F8: variants seen among roughly 807,000 people sequenced by gnomAD.
F8 encodes the protein antihemophilic factor.
In F8, 12 loss-of-function variants were observed where a neutral mutation model predicts 140.6. The ratio of observed to expected loss-of-function variants is 0.09; its 90% CI spans 0.05 to 0.14. F8 has a LOEUF of 0.14. Ranked by LOEUF, F8 falls within the 10% of genes least tolerant of loss-of-function variation. F8 has a pLI of 1.00. For missense variants in F8, 1,354 were observed against 1,720.7 expected (o/e 0.79, Z 3.77); for synonymous variants, 585 against 614.6 (o/e 0.95, Z 0.71).
chrX:154,879,646 T>C (rs1247131281), intron 22 of F8, among the ~76,000 whole-genome samples: 1 of 111,930 alleles, frequency 8.9e-6, no homozygotes, highest in Non-Finnish European at 1.9e-5. Flanking sequence ...ATTATGATGA[T>C]TGGTAGGTTA....
At chrX:154,879,716 C>T (rs1478439148) in intron 22 of F8, among the ~76,000 whole-genome samples, 2 of 111,733 alleles carry the variant, frequency 1.8e-5, no homozygotes, top group Admixed American at 9.5e-5. Context: ...TTGTAATCCC[C>T]GTGTGTCAGA....
intron 14 of F8, among the ~76,000 whole-genome samples, chrX:154,916,423 G>C (rs1858652): frequency 9.0e-6 from 1 of 111,559 alleles, no homozygotes; most frequent in Non-Finnish European, 1.9e-5. Context: ...GAAGTCATCA[G>C]GTCCTGGACT....
chrX:155,012,028 G>A (rs897428938), intron 1 of F8, among the ~76,000 whole-genome samples: 23 of 111,798 alleles, frequency 2.1e-4, no homozygotes, highest in African/African-American at 7.5e-4. Flanking sequence ...ATGATTACAG[G>A]GTTTCTTTTT....
chrX:154,942,265 G>A (rs1373118057), intron 13 of F8, among the ~76,000 whole-genome samples: 12 of 110,069 alleles, frequency 1.1e-4, no homozygotes, highest in Admixed American at 7.7e-4. Flanking sequence ...TTGATAGACC[G>A]CTAGCAAGAC....
chrX:154,844,013 A>G (rs946192248), intron 25 of F8, among the ~76,000 whole-genome samples: 26 of 111,818 alleles, frequency 2.3e-4, no homozygotes, highest in African/African-American at 8.4e-4. Flanking sequence ...ACATATGGCT[A>G]GCCAGTTTTC....
chrX:154,957,368 A>T (rs1246560892), intron 10 of F8, among the ~76,000 whole-genome samples, 197 bp from the exon 11 acceptor site: 1 of 111,821 alleles, frequency 8.9e-6, no homozygotes, highest in Non-Finnish European at 1.9e-5. Flanking sequence ...GTAATTGATT[A>T]TCCGGTTGAC....
intron 1 of F8, among the ~76,000 whole-genome samples, chrX:155,012,869 G>A (rs181228423): frequency 3.6e-5 from 4 of 110,342 alleles, no homozygotes; most frequent in East Asian, 2.9e-4. Flanking sequence ...ATAGTCAGCC[G>A]GGCGCGGTGG....
chrX:154,965,722 C>T (rs1425079279), intron 9 of F8: 2 of 365,553 alleles, frequency 5.5e-6, no homozygotes, highest in African/African-American at 2.6e-5. Context: ...GGAGAAAGAT[C>T]TGGAAGGATA....
intron 6 of F8, among the ~76,000 whole-genome samples, chrX:154,973,843 C>T (rs782665883): frequency 1.8e-5 from 2 of 111,753 alleles, no homozygotes; most frequent in South Asian, 7.5e-4. Context: ...GTTGCCCAGG[C>T]TGCAGTGCAG....
intron 4 of F8, among the ~76,000 whole-genome samples, chrX:154,988,131 T>G (rs782441357): frequency 1.6e-3 from 182 of 112,230 alleles, no homozygotes; most frequent in African/African-American, 5.8e-3. Flanking sequence ...ATAAACTCAC[T>G]GAATGCCAAC....
chrX:154,997,158 C>T, intron 2 of F8, 63 bp from the exon 3 acceptor site: 1 of 1,175,474 alleles, frequency 8.5e-7, no homozygotes, highest in Non-Finnish European at 1.2e-6. Flanking sequence ...ACCTGTTATT[C>T]CAAAAGTTAG....
At chrX:154,866,327 A>G (rs1278379318) in intron 22 of F8, among the ~76,000 whole-genome samples, 4 of 112,014 alleles carry the variant, frequency 3.6e-5, no homozygotes, top group African/African-American at 1.3e-4. Context: ...CTCTATAATG[A>G]ATAGATCATC....
chrX:154,981,129 G>A (rs1603435883), intron 6 of F8, among the ~76,000 whole-genome samples: 1 of 111,319 alleles, frequency 9.0e-6, no homozygotes, highest in Non-Finnish European at 1.9e-5. Context: ...AAAACCGTGG[G>A]TCCATGGTGA....
intron 14 of F8, 146 bp from the exon 15 acceptor site, chrX:154,906,719 T>C: frequency 1.8e-6 from 1 of 543,571 alleles, no homozygotes; most frequent in Non-Finnish European, 3.0e-6. Flanking sequence ...CCAAGCTTTA[T>C]TAGCATGTAA....
At chrX:154,948,161 C>T (rs1479797931) in intron 12 of F8, among the ~76,000 whole-genome samples, 1 of 110,891 alleles carries the variant, frequency 9.0e-6, no homozygotes, top group African/African-American at 3.3e-5. Context: ...TGATGAGTAG[C>T]AAGATGTTTG....
intron 9 of F8, among the ~76,000 whole-genome samples, chrX:154,964,492 T>C (rs1335676469): frequency 9.0e-6 from 1 of 111,400 alleles, no homozygotes; most frequent in Admixed American, 9.5e-5. Flanking sequence ...TATCACAAAG[T>C]TGAAGTCATT....
intron 15 of F8, among the ~76,000 whole-genome samples, chrX:154,906,184 C>T (rs1006048697): frequency 5.3e-4 from 59 of 110,395 alleles, no homozygotes; most frequent in Non-Finnish European, 7.8e-4. Context: ...TTTTTAATGA[C>T]GTAAGAAATG....
chrX:154,935,981 AACACACACACAC>A (rs782071576), intron 13 of F8, among the ~76,000 whole-genome samples: 8 of 88,318 alleles, frequency 9.1e-5, no homozygotes, highest in African/African-American at 2.6e-4. Context: ...ATGCCAAAGT[AACACACACACAC>A]ACACACACAC....
At chrX:154,893,501 A>G (rs1025733045) in intron 22 of F8, among the ~76,000 whole-genome samples, 3 of 112,269 alleles carry the variant, frequency 2.7e-5, no homozygotes, top group Non-Finnish European at 5.6e-5. Context: ...TTCTCCCATT[A>G]AAAATTAGGG....
Sources: gnomAD v4.1 joint callset for allele counts (sites outside exome capture counted in the v4.1 genomes callset) on GRCh38, gnomAD v4.1.1 for gene constraint, MANE v1.5 for transcripts, NCBI Gene and HGNC (gene_info 2026-07-23, HGNC 2026-07-21) for gene names.